Variants in RNF115 observed in about 807,000 individuals in gnomAD.
RNF115 encodes ring finger protein 115.
A neutral mutation model predicts 39.2 loss-of-function variants in RNF115; 31 were observed. That is an observed-to-expected ratio of 0.79 (90% CI 0.59 to 1.07). The LOEUF is 1.07. Ranked by LOEUF, RNF115 falls within the 50% of genes least tolerant of loss-of-function variation. The pLI is 0.00. For synonymous variants in RNF115, 124 were observed against 131.0 expected, an observed-to-expected ratio of 0.95 and a Z score of 0.37; for missense variants, 384 against 381.7, an observed-to-expected ratio of 1.01 and a Z score of -0.05.
In RNF115 at chr1:145,788,903, A is replaced by G. The variant is rs1553718523; in HGVS notation, c.161+5T>C. 7 of 1,582,748 alleles carry G rather than the reference A, an allele frequency of 4.4e-6. No individual in the cohort carries two copies. The South Asian group carries it at 6.6e-5, about 15-fold the overall frequency. The stretch of plus-strand genomic sequence containing the variant: ...GTCTGATTTATTCATGAGCTTGTAC[A>G]ATACCTGGAATCATCTGTCACTTCT... On this transcript the variant is annotated splice_donor_5th_base_variant and intron_variant, in intron 2 of 8. Transcript: ENST00000582693.
chr1:145,740,710 G>A lies in RNF115; in HGVS notation c.*6156C>T, dbSNP rs587696745. The A allele has an allele frequency of 6.6e-6, 1 of 152,316 alleles. No individual in the cohort carries two copies. The highest frequency in any genetic ancestry group is 2.1e-4 in the South Asian group (1 of 4,828). The allele number at this position is 152,316 out of a possible 1,614,324, so 9.4% of individuals were successfully genotyped here. ...CAAATATTTGTATATATTTCAATTG[G>A]ATGTAGATTCTGGTGTGACTAATAA... On this transcript the variant is annotated 3_prime_UTR_variant, in exon 9 of 9. Transcript: ENST00000582693.
At chr1:145,806,822 T>C (rs951741213) in intron 1 of RNF115, among the ~76,000 whole-genome samples, 1 of 152,236 alleles carries the variant, frequency 6.6e-6, no homozygotes, top group Non-Finnish European at 1.5e-5. Context: ...TTATTTTTTG[T>C]TGAGACAGAG....
At chr1:145,754,129 T>C (rs782101345) in intron 4 of RNF115, among the ~76,000 whole-genome samples, 5 of 152,232 alleles carry the variant, frequency 3.3e-5, no homozygotes, top group Non-Finnish European at 7.3e-5. Flanking sequence ...CTAACTACAC[T>C]ATTCCGTTTG....
chr1:145,790,094 G>A (rs1419322312), intron 1 of RNF115, among the ~76,000 whole-genome samples: 1 of 152,134 alleles, frequency 6.6e-6, no homozygotes, highest in African/African-American at 2.4e-5. Flanking sequence ...TCCACTGACA[G>A]CTGAAAGGTA....
chr1:145,809,544 G>A (rs1482733599), intron 1 of RNF115, among the ~76,000 whole-genome samples: 1 of 87,034 alleles, frequency 1.1e-5, no homozygotes, highest in Non-Finnish European at 2.1e-5. Flanking sequence ...GCCCAGGCTG[G>A]AGTGCAGTAG....
At chr1:145,755,133 T>C (rs1428464685) in intron 4 of RNF115, among the ~76,000 whole-genome samples, 1 of 151,608 alleles carries the variant, frequency 6.6e-6, no homozygotes, top group Non-Finnish European at 1.5e-5. Context: ...TCTCAGCTAC[T>C]CAGGAGGATA....
At chr1:145,784,641 G>A in intron 2 of RNF115, 45 bp from the exon 3 acceptor site, 1 of 1,560,696 alleles carries the variant, frequency 6.4e-7, no homozygotes, top group Non-Finnish European at 8.8e-7. Context: ...CCAGGAACAA[G>A]CTCCCCTCCC....
intron 4 of RNF115, among the ~76,000 whole-genome samples, chr1:145,754,770 A>G (rs1242425193): frequency 6.6e-6 from 1 of 152,176 alleles, no homozygotes; most frequent in Non-Finnish European, 1.5e-5. Flanking sequence ...CTACCATTCT[A>G]TTCTCTGCTT....
rs1553711003 is a variant in RNF115 at position 145,741,656 on chromosome 1, G to C, written c.*5210C>G. 6.6e-6 allele frequency: 1 copy of C among 152,152 alleles called. No individual in the cohort carries two copies. Among genetic ancestry groups the C allele is most frequent in the African/African-American group, 2.4e-5 (1 of 41,416 alleles). The allele number at this position is 152,152 out of a possible 1,614,324, so 9.4% of individuals were successfully genotyped here. On this transcript the variant is annotated 3_prime_UTR_variant, in exon 9 of 9. Coordinates refer to ENST00000582693, the MANE Select transcript of RNF115 (RefSeq NM_014455.4). The stretch of plus-strand genomic sequence containing the variant: ...TCATTCGGGAAATTCTCAACAAGAG[G>C]ACTCTATCCTATAAGTCGTCCCCAA...
chr1:145,760,205 A>T (rs1240132507), intron 4 of RNF115, among the ~76,000 whole-genome samples: 1 of 152,184 alleles, frequency 6.6e-6, no homozygotes, highest in East Asian at 1.9e-4. Flanking sequence ...TGGGAGGCCA[A>T]GACAGGAATA....
chr1:145,768,269 C>T (rs1352545598), intron 4 of RNF115, among the ~76,000 whole-genome samples: 1 of 152,228 alleles, frequency 6.6e-6, no homozygotes, highest in Non-Finnish European at 1.5e-5. Flanking sequence ...GTGGCTGTGG[C>T]ATCCTCTCCA....
chr1:145,782,673 T>C (rs1174615596), intron 3 of RNF115, among the ~76,000 whole-genome samples: 2 of 152,220 alleles, frequency 1.3e-5, no homozygotes, highest in Non-Finnish European at 2.9e-5. Flanking sequence ...GAGTCATACC[T>C]ACAAAATTGG....
chr1:145,762,858 A>G (rs587775325), intron 4 of RNF115, among the ~76,000 whole-genome samples: 28 of 152,350 alleles, frequency 1.8e-4, no homozygotes, highest in African/African-American at 6.0e-4. Context: ...TGTCCTTTGC[A>G]GCAACATGAA....
intron 7 of RNF115, 63 bp from the exon 8 acceptor site, chr1:145,748,173 C>A: frequency 8.9e-7 from 1 of 1,126,278 alleles, no homozygotes. Context: ...AAAACTAACC[C>A]AATGTCTCTA....
Position 145,823,940 on chromosome 1 carries a change from G to C in RNF115, c.-67C>G. ...GTCCCTCGCCAGGCCGCTACCTCCC[G>C]AGCTGCAGTCGTCGCCGCCGCCGCC... On this transcript the variant is annotated 5_prime_UTR_variant, in exon 1 of 9. Transcript: ENST00000582693. The C allele has an allele frequency of 8.5e-7, 1 of 1,180,362 alleles. No homozygotes were observed. The highest frequency in any genetic ancestry group is 1.1e-6 in the Non-Finnish European group (1 of 892,294). The allele number at this position is 1,180,362 out of a possible 1,614,324, so 73.1% of individuals were successfully genotyped here.
chr1:145,811,908 A>AAAAAAAAAAAAAAT (rs1553722706), intron 1 of RNF115, among the ~76,000 whole-genome samples: 1 of 55,154 alleles, frequency 1.8e-5, no homozygotes, highest in Non-Finnish European at 3.8e-5. Context: ...AAAAAAAAAA[A>AAAAAAAAAAAAAAT]ATATATATAT....
rs34615861 is a variant in RNF115 at position 145,781,900 on chromosome 1, CT to C, written c.219+2638del. On this transcript the variant is annotated intron_variant, in intron 3 of 8. Transcript: ENST00000582693. ...ATTTATTATACTCTGTACACTTTTC[CT>C]TTTTTTTTTTTTTTTTGGAGATAAG... 3.9e-3 allele frequency among the ~76,000 whole-genome samples: 532 copies of C among 135,514 alleles called. 2 individuals are homozygous for C. The highest frequency in any genetic ancestry group is 0.031 in the Middle Eastern group (8 of 258). The allele number at this position is 135,514 out of a possible 152,430, so 88.9% of individuals were successfully genotyped here.
At chr1:145,802,371 G>A (rs587602595) in intron 1 of RNF115, among the ~76,000 whole-genome samples, 1 of 152,090 alleles carries the variant, frequency 6.6e-6, no homozygotes, top group Non-Finnish European at 1.5e-5. Context: ...AAAGGAAAAG[G>A]GTGGTTTTAA....
At chr1:145,806,041 TG>T (rs782324516) in intron 1 of RNF115, among the ~76,000 whole-genome samples, 1 of 152,180 alleles carries the variant, frequency 6.6e-6, no homozygotes, top group Non-Finnish European at 1.5e-5. Flanking sequence ...ATTAATTTAA[TG>T]TTTAAATGAG....
Sources: gnomAD v4.1 joint callset for allele counts (sites outside exome capture counted in the v4.1 genomes callset) on GRCh38, gnomAD v4.1.1 for gene constraint, MANE v1.5 for transcripts, NCBI Gene and HGNC (gene_info 2026-07-23, HGNC 2026-07-21) for gene names.